Variants in CNTNAP2 observed in about 807,000 individuals in gnomAD.
CNTNAP2 encodes contactin-associated protein-like 2.
CNTNAP2 carries 98 observed loss-of-function variants against 155.2 expected under a neutral mutation model. The ratio of observed to expected loss-of-function variants is 0.63; its 90% CI spans 0.54 to 0.75. CNTNAP2 has a LOEUF of 0.75. Among genes scored for constraint, CNTNAP2 ranks in the 30% least tolerant of loss-of-function variants. CNTNAP2 has a pLI of 0.00. For missense variants in CNTNAP2, 1,727 were observed against 1,688.1 expected (o/e 1.02, Z -0.40); for synonymous variants, 651 against 631.2 (o/e 1.03, Z -0.47).
At chr7:146,283,956 C>G (rs1045017875) in intron 1 of CNTNAP2, among the ~76,000 whole-genome samples, 1 of 152,136 alleles carries the variant, frequency 6.6e-6, no homozygotes, top group East Asian at 1.9e-4. Flanking sequence ...AAGAAAATGA[C>G]AGGGTTGTTA....
chr7:148,241,839 G>T (rs1208395209), intron 20 of CNTNAP2, among the ~76,000 whole-genome samples: 1 of 152,142 alleles, frequency 6.6e-6, no homozygotes, highest in Non-Finnish European at 1.5e-5. Context: ...ATCTGCAAAT[G>T]AATTATGCAC....
At chr7:147,417,038 G>A (rs1281389107) in intron 10 of CNTNAP2, among the ~76,000 whole-genome samples, 1 of 150,206 alleles carries the variant, frequency 6.7e-6, no homozygotes, top group Non-Finnish European at 1.5e-5. Flanking sequence ...GCAGTGAGCC[G>A]AGATTGCGCC....
chr7:147,528,446 C>T (rs1391408591), intron 11 of CNTNAP2, among the ~76,000 whole-genome samples: 1 of 152,150 alleles, frequency 6.6e-6, no homozygotes, highest in African/African-American at 2.4e-5. Flanking sequence ...CAGAACCTTA[C>T]TCATTCTGTC....
chr7:146,466,291 G>A (rs955226488), intron 1 of CNTNAP2, among the ~76,000 whole-genome samples: 3 of 152,266 alleles, frequency 2.0e-5, no homozygotes, highest in African/African-American at 7.2e-5. Context: ...GTGAGTGGCT[G>A]GGAGTGGGAT....
At chr7:147,167,764 T>A (rs1218581414) in intron 8 of CNTNAP2, among the ~76,000 whole-genome samples, 1 of 152,036 alleles carries the variant, frequency 6.6e-6, no homozygotes, top group Admixed American at 6.6e-5. Flanking sequence ...AATACCTTCA[T>A]TGTTTGGACC....
At chr7:147,669,996 G>C (rs1168763063) in intron 13 of CNTNAP2, among the ~76,000 whole-genome samples, 1 of 152,020 alleles carries the variant, frequency 6.6e-6, no homozygotes, top group Non-Finnish European at 1.5e-5. Flanking sequence ...GATTCTCCCT[G>C]GATCCCATCT....
intron 1 of CNTNAP2, among the ~76,000 whole-genome samples, chr7:146,637,395 G>C (rs1040754803): frequency 2.0e-5 from 3 of 152,166 alleles, no homozygotes; most frequent in African/African-American, 7.2e-5. Context: ...GCATAGCCAA[G>C]TTCCTTGTGT....
chr7:147,045,282 C>T (rs1445164599), intron 4 of CNTNAP2, among the ~76,000 whole-genome samples: 1 of 151,978 alleles, frequency 6.6e-6, no homozygotes, highest in Non-Finnish European at 1.5e-5. Flanking sequence ...TTTCAAATGC[C>T]CCCGTTGGAC....
intron 3 of CNTNAP2, 63 bp from the exon 4 acceptor site, chr7:147,043,840 TAGAC>T: frequency 3.8e-6 from 6 of 1,576,842 alleles, no homozygotes; most frequent in Non-Finnish European, 5.2e-6. Context: ...TTTATTCTAG[TAGAC>T]AGAGGACATG....
rs966645132 is a variant in CNTNAP2 at position 146,799,002 on chromosome 7, T to G, written c.208+24621T>G. Among the ~76,000 whole-genome samples the G allele has an allele frequency of 3.3e-5, 5 of 152,302 alleles. No homozygotes were observed. In the South Asian group the frequency reaches 1.0e-3, roughly 32 times the overall value. ...GATAAATATCCTCTTTCATACAAAC[T>G]AATCCTTTCATTTTGATGCATTATT... On this transcript the variant is annotated intron_variant, in intron 2 of 23. Coordinates refer to ENST00000361727, the MANE Select transcript of CNTNAP2 (RefSeq NM_014141.6).
chr7:146,388,406 G>A (rs1795491450), intron 1 of CNTNAP2, among the ~76,000 whole-genome samples: 1 of 152,054 alleles, frequency 6.6e-6, no homozygotes, highest in African/African-American at 2.4e-5. Context: ...CTGTACTCCA[G>A]CCTGGGTGAC....
chr7:146,117,014 G>T (rs759610282), intron 1 of CNTNAP2, 41 bp downstream of exon 1: 1 of 1,508,426 alleles, frequency 6.6e-7, no homozygotes. Flanking sequence ...AGCAGTTTCA[G>T]TGCGGCATTG....
intron 1 of CNTNAP2, among the ~76,000 whole-genome samples, chr7:146,248,615 G>A (rs1002727293): frequency 2.0e-5 from 3 of 152,162 alleles, no homozygotes; most frequent in South Asian, 4.1e-4. Flanking sequence ...AGGAGAAAGA[G>A]GTTGAGGGAT....
intron 2 of CNTNAP2, among the ~76,000 whole-genome samples, chr7:146,817,059 T>C (rs1803185399): frequency 6.6e-6 from 1 of 151,926 alleles, no homozygotes; most frequent in Non-Finnish European, 1.5e-5. Flanking sequence ...ATGGTTAGAG[T>C]TGATGGACGA....
At chr7:147,565,752 T>C (rs1800158382) in intron 12 of CNTNAP2, among the ~76,000 whole-genome samples, 1 of 151,882 alleles carries the variant, frequency 6.6e-6, no homozygotes, top group Non-Finnish European at 1.5e-5. Flanking sequence ...AAGTGGACAA[T>C]TAAGGGTAAA....
At chr7:146,745,562 A>T (rs1801795013) in intron 1 of CNTNAP2, among the ~76,000 whole-genome samples, 1 of 151,968 alleles carries the variant, frequency 6.6e-6, no homozygotes, top group South Asian at 2.1e-4. Context: ...AGGCCAGGAG[A>T]TCGAGACCAT....
intron 21 of CNTNAP2, among the ~76,000 whole-genome samples, chr7:148,271,369 C>G (rs1029300304): frequency 1.3e-5 from 2 of 152,130 alleles, no homozygotes; most frequent in African/African-American, 4.8e-5. Flanking sequence ...TGGCCTTTAC[C>G]CACTAGATAT....
chr7:146,585,747 AG>A (rs1798680477), intron 1 of CNTNAP2, among the ~76,000 whole-genome samples: 3 of 150,242 alleles, frequency 2.0e-5, no homozygotes, highest in African/African-American at 7.5e-5. Flanking sequence ...AGAAAAAGAA[AG>A]AAGGAAAGAA....
intron 11 of CNTNAP2, among the ~76,000 whole-genome samples, chr7:147,516,008 G>T (rs1265327681): frequency 6.6e-6 from 1 of 152,146 alleles, no homozygotes; most frequent in Non-Finnish European, 1.5e-5. Context: ...ATCTTAAAAT[G>T]AATAGCCCCA....
Sources: gnomAD v4.1 joint callset for allele counts (sites outside exome capture counted in the v4.1 genomes callset) on GRCh38, gnomAD v4.1.1 for gene constraint, MANE v1.5 for transcripts, NCBI Gene and HGNC (gene_info 2026-07-23, HGNC 2026-07-21) for gene names.